The following RPA1 variants were observed in gnomAD, a reference collection of about 807,000 sequenced individuals.
RPA1 encodes replication protein A1.
A neutral mutation model predicts 83.0 loss-of-function variants in RPA1; 49 were observed. That is an observed-to-expected ratio of 0.59 (90% CI 0.47 to 0.75). RPA1 has a LOEUF of 0.75. RPA1 is among the 30% of genes least tolerant of loss of function. RPA1 has a pLI of 0.00. For missense variants in RPA1, 693 were observed against 776.1 expected (o/e 0.89, Z 1.27); for synonymous variants, 279 against 281.8 (o/e 0.99, Z 0.10).
At chr17:1,863,184 A>ATTTATTTTATTTTAT (rs71375562) in intron 5 of RPA1, among the ~76,000 whole-genome samples, 17,636 of 138,728 alleles carry the variant, frequency 0.13, 1,625 homozygotes, top group Middle Eastern at 0.24. Context: ...CGCCCAACTA[A>ATTTATTTTATTTTAT]TTTATTTTAT....
At chr17:1,885,302 T>G (rs1280358208) in intron 13 of RPA1, among the ~76,000 whole-genome samples, 1 of 152,176 alleles carries the variant, frequency 6.6e-6, no homozygotes, top group Non-Finnish European at 1.5e-5. Flanking sequence ...TCAGGCCCAT[T>G]TTCAGGCTCC....
chr17:1,839,810 T>TG (rs1431200784), intron 1 of RPA1, among the ~76,000 whole-genome samples: 2 of 147,502 alleles, frequency 1.4e-5, no homozygotes, highest in Non-Finnish European at 3.0e-5. Flanking sequence ...TTTTTTTTTT[T>TG]TTTGAGACAG....
At chr17:1,843,788 T>G (rs1294877905) in intron 2 of RPA1, 132 bp from the exon 3 acceptor site, 10 of 635,698 alleles carry the variant, frequency 1.6e-5, no homozygotes, top group Non-Finnish European at 2.8e-5. Context: ...TTTACTTGGA[T>G]TTAAGTGTCA....
At chr17:1,832,844 G>A (rs1271531084) in intron 1 of RPA1, among the ~76,000 whole-genome samples, 1 of 152,194 alleles carries the variant, frequency 6.6e-6, no homozygotes, top group African/African-American at 2.4e-5. Context: ...TAAATGCTCA[G>A]TGTTTATGTT....
intron 4 of RPA1, among the ~76,000 whole-genome samples, chr17:1,850,270 G>A (rs1342491042): frequency 1.3e-5 from 2 of 151,442 alleles, no homozygotes; most frequent in African/African-American, 2.4e-5. Flanking sequence ...GGTGGCTCAC[G>A]CCTGTAATCC....
In RPA1 at chr17:1,880,603, G is replaced by A. The variant is rs758450870; in HGVS notation, c.1153G>A (p.Asp385Asn). Residue 385 changes from aspartate (D) to asparagine (N), a missense_variant, in exon 12 of 17, where the codon GAT becomes AAT. By Grantham distance (23) the Asp-to-Asn change is conservative (BLOSUM62 1). Transcript: ENST00000254719. ...VLAIKGARVS[D>N]FGGRSLSVLS... ...GGCTATCAAAGGAGCCCGAGTCTCT[G>A]ATTTCGGTGGACGGAGCCTCTCCGT... 1.4e-5 allele frequency: 23 copies of A among 1,614,002 alleles called. No homozygotes were observed. Among genetic ancestry groups the A allele is most frequent in the Non-Finnish European group, 1.7e-5 (20 of 1,180,014 alleles).
chr17:1,894,264 C>T (rs867889449), intron 15 of RPA1, among the ~76,000 whole-genome samples: 14 of 151,714 alleles, frequency 9.2e-5, no homozygotes, highest in Admixed American at 2.6e-4. Context: ...CCTCTCAGGT[C>T]GAAGCAATTC....
chr17:1,858,358 G>T, intron 5 of RPA1: 1 of 1,606,522 alleles, frequency 6.2e-7, no homozygotes. Context: ...CATCGCCATG[G>T]GAAGAGACCA....
chr17:1,875,641 G>A lies in RPA1; in HGVS notation c.455-20G>A, dbSNP rs746418637. 2.4e-5 allele frequency: 39 copies of A among 1,602,724 alleles called. No homozygotes were observed. Among genetic ancestry groups the A allele is most frequent in the East Asian group, 9.0e-5 (4 of 44,622 alleles). ...AGTAGAATAGTAATAACTCCTTTTC[G>A]TTTGCGTTTGTTTTTAAAGGTTCTA... On this transcript the variant is annotated intron_variant, in intron 6 of 16. Transcript: ENST00000254719.
intron 1 of RPA1, among the ~76,000 whole-genome samples, chr17:1,831,398 AGCCCACT>A (rs1453675618): frequency 3.3e-5 from 5 of 151,940 alleles, no homozygotes; most frequent in African/African-American, 1.2e-4. Flanking sequence ...AGATCTATCA[AGCCCACT>A]GGCTTCTCTC....
rs750750138 is a variant in RPA1, at chr17:1,879,310, C to CGTTATTGAA, written c.857_858insTATTGAAGT (p.Val286_Met287insIleGluVal). The CGTTATTGAA allele has an allele frequency of 6.2e-7, 1 of 1,614,040 alleles. No individual in the cohort carries two copies. Among genetic ancestry groups the CGTTATTGAA allele is most frequent in the Non-Finnish European group, 8.5e-7 (1 of 1,180,042 alleles). On this transcript the variant is annotated inframe_insertion, in exon 10 of 17. Transcript: ENST00000254719. ...AGATGACCTTCAATAACGAGACTTC[C>CGTTATTGAA]GTCATGCCCTGTGAGGACGACCATC...
chr17:1,857,946 A>G (rs1245278421), intron 5 of RPA1: 1 of 1,564,298 alleles, frequency 6.4e-7, no homozygotes, highest in Admixed American at 1.8e-5. Flanking sequence ...ACAAATAAGG[A>G]GAACTTTTCC....
chr17:1,876,842 T>C (rs561774725), intron 7 of RPA1, among the ~76,000 whole-genome samples: 14 of 152,342 alleles, frequency 9.2e-5, no homozygotes, highest in African/African-American at 3.4e-4. Context: ...ACACCAGTTA[T>C]ATCAGTTCCC....
intron 4 of RPA1, among the ~76,000 whole-genome samples, chr17:1,847,938 G>A (rs974553004): frequency 6.6e-6 from 1 of 151,754 alleles, no homozygotes; most frequent in Admixed American, 6.6e-5. Context: ...CAGGAGAATC[G>A]CTTGAACCCA....
In RPA1 at chr17:1,877,384, A is replaced by C. The variant is rs1913612729; in HGVS notation, c.690+70A>C. 3 of 1,370,952 alleles carry C rather than the reference A, an allele frequency of 2.2e-6. No homozygotes were observed. The Admixed American group carries it at 5.6e-5, about 25-fold the overall frequency. The allele number at this position is 1,370,952 out of a possible 1,614,324, so 84.9% of individuals were successfully genotyped here. ...GGAAACAGAAGGCTCAGCTCTGCGG[A>C]GGGCAGTGGGCTCGCTGGGAAACAG... On this transcript the variant is annotated intron_variant, in intron 8 of 16. Transcript: ENST00000254719.
intron 5 of RPA1, among the ~76,000 whole-genome samples, chr17:1,868,560 C>T (rs1913269748): frequency 5.9e-5 from 9 of 152,094 alleles, no homozygotes; most frequent in Admixed American, 5.2e-4. Flanking sequence ...CATTTGAGAT[C>T]AGGAGTTCGA....
chr17:1,855,625 AT>A (rs1388841581), intron 5 of RPA1, among the ~76,000 whole-genome samples: 1 of 152,190 alleles, frequency 6.6e-6, no homozygotes, highest in African/African-American at 2.4e-5. Flanking sequence ...TTGTATCGGT[AT>A]TCACGAGAGA....
intron 4 of RPA1, among the ~76,000 whole-genome samples, chr17:1,850,536 C>CA (rs34637294): frequency 0.22 from 29,704 of 137,290 alleles, 3,240 homozygotes; most frequent in East Asian, 0.42. Context: ...GACTCCGTCT[C>CA]AAAAAAAAAA....
At chr17:1,878,001 T>G (rs992340520) in intron 8 of RPA1, among the ~76,000 whole-genome samples, 6 of 152,052 alleles carry the variant, frequency 3.9e-5, no homozygotes, top group Non-Finnish European at 8.8e-5. Context: ...GAGGCCAGGG[T>G]GCACAGATCA....
Sources: allele counts gnomAD v4.1 joint callset (sites outside exome capture counted in the v4.1 genomes callset), GRCh38; gene constraint gnomAD v4.1.1; transcripts MANE v1.5; gene names NCBI Gene and HGNC (gene_info 2026-07-23, HGNC 2026-07-21).